TCAIM: variants seen among roughly 807,000 people sequenced by gnomAD.
TCAIM encodes T cell activation inhibitor, mitochondrial.
Under a neutral mutation model 58.6 loss-of-function variants are expected in TCAIM, and 36 were observed. That is an observed-to-expected ratio of 0.61 (90% CI 0.47 to 0.81). The LOEUF (loss-of-function observed/expected upper bound fraction) is 0.81. Among genes scored for constraint, TCAIM ranks in the 30% least tolerant of loss-of-function variants. The pLI is 0.00. For missense variants in TCAIM, 466 were observed against 579.6 expected, an observed-to-expected ratio of 0.80 and a Z score of 2.01; for synonymous variants, 172 against 193.6, an observed-to-expected ratio of 0.89 and a Z score of 0.93.
chr3:44,364,701 G>A (rs1701346768), intron 4 of TCAIM, among the ~76,000 whole-genome samples: 1 of 150,196 alleles, frequency 6.7e-6, no homozygotes, highest in Non-Finnish European at 1.5e-5. Context: ...AAGATGGCAG[G>A]CACCACTGCA....
intron 1 of TCAIM, chr3:44,341,299 A>C (rs1204362481): frequency 6.6e-6 from 1 of 152,188 alleles, no homozygotes; most frequent in Non-Finnish European, 1.5e-5. Flanking sequence ...CCCACAGCAC[A>C]ATATAACTTT....
At chr3:44,348,905 G>A (rs951032121) in intron 1 of TCAIM, among the ~76,000 whole-genome samples, 2 of 152,228 alleles carry the variant, frequency 1.3e-5, no homozygotes, top group African/African-American at 4.8e-5. Flanking sequence ...CCTTGACTAT[G>A]CCTTTAGCTC....
chr3:44,368,288 G>A (rs1359997133), intron 5 of TCAIM, among the ~76,000 whole-genome samples: 2 of 152,068 alleles, frequency 1.3e-5, no homozygotes, highest in Non-Finnish European at 2.9e-5. Flanking sequence ...TGTTTTTTAA[G>A]TCATTTTTGG....
intron 1 of TCAIM, 67 bp downstream of exon 1, chr3:44,338,901 G>C (rs904626296): frequency 6.6e-6 from 1 of 152,308 alleles, no homozygotes; most frequent in Non-Finnish European, 1.5e-5. Context: ...AGCGGGGTCG[G>C]AGGGGAGTGC....
At chr3:44,339,899 A>G (rs1028887930) in intron 1 of TCAIM, 2 of 152,330 alleles carry the variant, frequency 1.3e-5, no homozygotes, top group Admixed American at 6.5e-5. Flanking sequence ...TTCTAGTCCC[A>G]ATGCTTTACG....
At chr3:44,380,321 ATATAC>A (rs1281376682) in intron 5 of TCAIM, among the ~76,000 whole-genome samples, 1 of 152,202 alleles carries the variant, frequency 6.6e-6, no homozygotes, top group Non-Finnish European at 1.5e-5. Flanking sequence ...AAGGTGATGG[ATATAC>A]CAATTACACT....
At chr3:44,343,793 A>G (rs997539180) in intron 1 of TCAIM, among the ~76,000 whole-genome samples, 1 of 152,208 alleles carries the variant, frequency 6.6e-6, no homozygotes, top group Non-Finnish European at 1.5e-5. Context: ...TAAATCTGGA[A>G]ACCATGATTT....
Position 44,346,191 on chromosome 3 carries a change from G to A in TCAIM, c.-45+7357G>A, listed in dbSNP as rs903319674. ...ATCATTAGTCCGTTTTACCTTTTCCGAAGATTGAGGACGGTAAGGGGAAGG... is the reference window on the plus strand; with the variant it reads ...ATCATTAGTCCGTTTTACCTTTTCCAAAGATTGAGGACGGTAAGGGGAAGG... On this transcript the variant is annotated intron_variant, in intron 1 of 10. Transcript: ENST00000342649. Among the ~76,000 whole-genome samples, 20 of 152,132 alleles carry A rather than the reference G, an allele frequency of 1.3e-4. 1 individual carries two copies. The East Asian group carries it at 2.3e-3, about 18-fold the overall frequency.
At chr3:44,341,770 T>C (rs1700858974) in intron 1 of TCAIM, among the ~76,000 whole-genome samples, 1 of 152,206 alleles carries the variant, frequency 6.6e-6, no homozygotes, top group Non-Finnish European at 1.5e-5. Flanking sequence ...AAATCCCTTA[T>C]GCATATTCTA....
intron 5 of TCAIM, among the ~76,000 whole-genome samples, chr3:44,371,814 A>G (rs986619138): frequency 2.6e-5 from 4 of 152,146 alleles, no homozygotes; most frequent in African/African-American, 9.7e-5. Flanking sequence ...CCAGGAGCTT[A>G]TATCATAAAA....
chr3:44,387,395 G>T (rs528982610), intron 5 of TCAIM, among the ~76,000 whole-genome samples: 4 of 152,326 alleles, frequency 2.6e-5, no homozygotes, highest in African/African-American at 9.6e-5. Flanking sequence ...ACACAAACAG[G>T]GCTGAAACAC....
At position 44,346,466 on chromosome 3, in the gene TCAIM, A is replaced by C. The variant is rs538018868; in HGVS notation, c.-45+7632A>C. Among the ~76,000 whole-genome samples the C allele has an allele frequency of 3.9e-5, 6 of 152,304 alleles. No homozygotes were observed. The East Asian group carries it at 1.2e-3, about 29-fold the overall frequency. On this transcript the variant is annotated intron_variant, in intron 1 of 10. Coordinates refer to ENST00000342649, the MANE Select transcript of TCAIM (RefSeq NM_173826.4). ...GGGCATGTGAGTAAGTCAGTTTGCC[A>C]GTCCTGGGCAGGGGCAAATCCCCGA...
intron 5 of TCAIM, among the ~76,000 whole-genome samples, chr3:44,387,522 C>G (rs895348713): frequency 2.0e-5 from 3 of 152,216 alleles, no homozygotes; most frequent in Non-Finnish European, 4.4e-5. Context: ...AGTGGTACAC[C>G]TGGTCAGCTG....
intron 1 of TCAIM, among the ~76,000 whole-genome samples, chr3:44,352,431 C>G (rs1215187498): frequency 6.6e-6 from 1 of 152,100 alleles, no homozygotes; most frequent in African/African-American, 2.4e-5. Flanking sequence ...GATTCAAATC[C>G]TTTCCCCCAC....
At chr3:44,347,947 G>A (rs1305437403) in intron 1 of TCAIM, among the ~76,000 whole-genome samples, 1 of 152,156 alleles carries the variant, frequency 6.6e-6, no homozygotes, top group Non-Finnish European at 1.5e-5. Context: ...AGGTGTGGCT[G>A]TAGCCTAGGA....
intron 5 of TCAIM, among the ~76,000 whole-genome samples, chr3:44,387,838 A>G (rs1009228263): frequency 2.5e-4 from 38 of 152,160 alleles, no homozygotes; most frequent in African/African-American, 8.2e-4. Context: ...TGACACTATG[A>G]TTGTGCTGTT....
At chr3:44,343,058 A>G (rs1322654772) in intron 1 of TCAIM, among the ~76,000 whole-genome samples, 13 of 151,788 alleles carry the variant, frequency 8.6e-5, no homozygotes. Context: ...AATCGCTTGA[A>G]CCTGGGAGGC....
At chr3:44,343,136 C>CAAA (rs976058978) in intron 1 of TCAIM, among the ~76,000 whole-genome samples, 1 of 133,492 alleles carries the variant, frequency 7.5e-6, no homozygotes, top group Non-Finnish European at 1.6e-5. Flanking sequence ...GACTCTGTCT[C>CAAA]AAAAAAAAAA....
At chr3:44,374,879 T>C (rs1701540627) in intron 5 of TCAIM, among the ~76,000 whole-genome samples, 1 of 152,198 alleles carries the variant, frequency 6.6e-6, no homozygotes, top group Admixed American at 6.5e-5. Flanking sequence ...AGCCTAGGAG[T>C]GTAAAATTTA....
Sources: allele counts gnomAD v4.1 joint callset (sites outside exome capture counted in the v4.1 genomes callset), GRCh38; gene constraint gnomAD v4.1.1; transcripts MANE v1.5; gene names NCBI Gene and HGNC (gene_info 2026-07-23, HGNC 2026-07-21).